The following UMODL1 variants were observed in gnomAD, a reference collection of about 807,000 sequenced individuals.
UMODL1 encodes uromodulin-like 1.
UMODL1 carries 128 observed loss-of-function variants against 136.3 expected under a neutral mutation model. The observed-to-expected ratio is 0.94, with a 90% confidence interval of 0.81 to 1.09. The LOEUF (loss-of-function observed/expected upper bound fraction) is 1.09. Ranked by LOEUF, UMODL1 falls within the 50% of genes least tolerant of loss-of-function variation. UMODL1 has a pLI of 0.00. For missense variants in UMODL1, 1,766 were observed against 1,725.6 expected (o/e 1.02, Z -0.41); for synonymous variants, 721 against 720.0 (o/e 1.00, Z -0.02).
At chr21:42,086,152 T>G (rs951231194) in intron 4 of UMODL1, among the ~76,000 whole-genome samples, 1 of 152,126 alleles carries the variant, frequency 6.6e-6, no homozygotes, top group Non-Finnish European at 1.5e-5. Context: ...CCGCCCTCCC[T>G]GGGGGATGGT....
At chr21:42,081,015 G>A (rs145106753) in intron 2 of UMODL1, among the ~76,000 whole-genome samples, 66 of 152,342 alleles carry the variant, frequency 4.3e-4, no homozygotes, top group African/African-American at 1.5e-3. Flanking sequence ...TGCACAAGTT[G>A]GATTATGCGC....
At chr21:42,102,108 TAACA>T (rs984857647) in intron 7 of UMODL1, 54 bp from the exon 8 acceptor site, 2 of 1,346,570 alleles carry the variant, frequency 1.5e-6, no homozygotes, top group African/African-American at 2.9e-5. Flanking sequence ...TGGAAAACAT[TAACA>T]GACAAGTGTG....
chr21:42,140,089 C>T (rs990571536), intron 22 of UMODL1, among the ~76,000 whole-genome samples: 12 of 152,274 alleles, frequency 7.9e-5, no homozygotes, highest in Admixed American at 2.0e-4. Flanking sequence ...GTGTCTACTA[C>T]ACTTTGCTGA....
At chr21:42,111,190 G>A in intron 11 of UMODL1, 69 bp downstream of exon 11, 1 of 1,538,804 alleles carries the variant, frequency 6.5e-7, no homozygotes. Flanking sequence ...CCAGCCAGGG[G>A]AGCCCCAGCC....
rs546694591 is a variant in UMODL1 at position 42,066,239 on chromosome 21, G to A, written c.-141+3025G>A. ...GCTTAATTCTCCTGATTGAAAAGAA[G>A]GGAAGAGATTTTTCTCTCCTTTTTC... On this transcript the variant is annotated intron_variant, in intron 1 of 22. Transcript: ENST00000400424. Among the ~76,000 whole-genome samples the A allele has an allele frequency of 1.1e-4, 16 of 152,262 alleles. No individual in the cohort carries two copies. The South Asian group carries it at 2.3e-3, about 22-fold the overall frequency.
chr21:42,106,589 C>G (rs952044819), intron 9 of UMODL1, among the ~76,000 whole-genome samples: 1 of 152,180 alleles, frequency 6.6e-6, no homozygotes, highest in African/African-American at 2.4e-5. Context: ...GCGCCAGTCA[C>G]GGTGGGCTGT....
chr21:42,084,357 T>A (rs909327405), intron 3 of UMODL1, 112 bp downstream of exon 3: 12 of 1,218,146 alleles, frequency 9.9e-6, no homozygotes, highest in East Asian at 8.0e-5. Flanking sequence ...GTGACCGATT[T>A]CATCAGGAGC....
chr21:42,110,740 G>T (rs930325358), intron 10 of UMODL1, 140 bp from the exon 11 acceptor site: 4 of 810,926 alleles, frequency 4.9e-6, no homozygotes, highest in Admixed American at 2.9e-5. Flanking sequence ...ACTCCTGAAC[G>T]CTGGCGCCCG....
At chr21:42,089,157 G>T (rs946108541) in intron 5 of UMODL1, among the ~76,000 whole-genome samples, 1 of 152,108 alleles carries the variant, frequency 6.6e-6, no homozygotes, top group Non-Finnish European at 1.5e-5. Context: ...CAGACAGTCC[G>T]CAAGCAAACC....
In UMODL1 at chr21:42,122,709, C is replaced by T. The variant is rs556364196; in HGVS notation, c.2828-122C>T. 204 of 940,930 alleles carry T rather than the reference C, an allele frequency of 2.2e-4. 2 individuals carry two copies. In the East Asian group the frequency reaches 5.0e-3, roughly 23 times the overall value. The allele number at this position is 940,930 out of a possible 1,614,324, so 58.3% of individuals were successfully genotyped here. A position where few individuals can be genotyped will look rare whatever the true frequency, so the allele number is the denominator to read the frequency against. The stretch of plus-strand genomic sequence containing the variant: ...CGTGTGTAGTTGTGGCTGGAACATG[C>T]GGTTCCCAGGTGTGGCTGCTGCAGA... On this transcript the variant is annotated intron_variant, in intron 16 of 22. Coordinates refer to ENST00000408910, the MANE Select transcript of UMODL1 (RefSeq NM_001004416.3). This position sits in a 1 kb window ranked among gnomAD's most constrained non-coding sequence, Gnocchi z 4.3.
At chr21:42,069,223 G>GAAACAC (rs2066207878), upstream of UMODL1, among the ~76,000 whole-genome samples, 1 of 42,020 alleles carries the variant, frequency 2.4e-5, no homozygotes, top group Non-Finnish European at 6.6e-5. Context: ...ACAAAACACA[G>GAAACAC]ACAGAAACAC....
At chr21:42,075,245 G>A (rs541943921) in intron 1 of UMODL1, among the ~76,000 whole-genome samples, 4 of 148,106 alleles carry the variant, frequency 2.7e-5, no homozygotes, top group Non-Finnish European at 4.5e-5. Flanking sequence ...TGGAGATGGG[G>A]GGGGGGTTTC....
chr21:42,069,252 AC>A (rs1342899994), upstream of UMODL1, among the ~76,000 whole-genome samples: 1 of 151,872 alleles, frequency 6.6e-6, no homozygotes, highest in Admixed American at 6.6e-5. Flanking sequence ...ACACACACAC[AC>A]ACACACACAC....
chr21:42,091,331 T>C (rs756628757), intron 6 of UMODL1, among the ~76,000 whole-genome samples: 1 of 152,170 alleles, frequency 6.6e-6, no homozygotes, highest in Non-Finnish European at 1.5e-5. Flanking sequence ...GGGATCAGCC[T>C]GGAGAGCAGA....
chr21:42,111,640 C>T lies in UMODL1; in HGVS notation c.2034C>T (p.Asp678=). The stretch of plus-strand genomic sequence containing the variant: ...ATCCCACGTGGCTGCGAAATGAGGA[C>T]AGTGGACCCTCCGGTTCTGTAGACC... The part of the protein sequence containing the change: ...LLNPTWLRNE[D]SGPSGSVDLP... The change falls in exon 12 of 23, where the codon GAC becomes GAT. Residue 678 remains aspartate (D), a synonymous_variant. Transcript: ENST00000408910. 2 of 1,614,114 alleles carry T rather than the reference C, an allele frequency of 1.2e-6. No homozygotes were observed. The highest frequency in any genetic ancestry group is 1.7e-6 in the Non-Finnish European group (2 of 1,180,004).
At chr21:42,107,667 C>T (rs568818863) in intron 9 of UMODL1, among the ~76,000 whole-genome samples, 209 of 152,006 alleles carry the variant, frequency 1.4e-3, no homozygotes, top group Non-Finnish European at 2.4e-3. Context: ...CAGGAGAGTC[C>T]GAGGGGCATC....
rs758341379 is a variant in UMODL1 at position 42,121,213 on chromosome 21, G to A, written c.2816G>A (p.Arg939Lys). The A allele has an allele frequency of 1.7e-5, 28 of 1,612,114 alleles. No homozygotes were observed. In the East Asian group the frequency reaches 6.0e-4, roughly 35 times the overall value. ...APDFPVEYSERPCEGDSPGNE... is the reference protein window; with the variant it reads ...APDFPVEYSEKPCEGDSPGNE... ...GACTTCCCTGTGGAATATTCTGAGA[G>A]ACCCTGTGAAGGTAATGTCGTCAGA... The change falls in exon 16 of 23, where the codon AGA (arginine) becomes AAA (lysine). Residue 939 changes from arginine to lysine, a missense_variant. By Grantham distance (26) the Arg-to-Lys change is conservative. Coordinates refer to ENST00000408910, the MANE Select transcript of UMODL1 (RefSeq NM_001004416.3).
chr21:42,111,577 G>A lies in UMODL1; in HGVS notation c.1971G>A (p.Leu657=), dbSNP rs1393507924. The change falls in exon 12 of 23, where the codon CTG becomes CTA. Residue 657 remains leucine, a synonymous_variant. Coordinates refer to ENST00000408910, the MANE Select transcript of UMODL1 (RefSeq NM_001004416.3). ...CTGAGGACCCCACCGGCCACTTCCT[G>A]TGGCATGCCACCCGTTCCACCCGGG... The part of the protein sequence containing the change: ...SPTEDPTGHF[L]WHATRSTRET... 2 of 1,614,034 alleles carry A rather than the reference G, an allele frequency of 1.2e-6. No individual in the cohort carries two copies. The highest frequency in any genetic ancestry group is 1.7e-6 in the Non-Finnish European group (2 of 1,180,010).
At chr21:42,066,478 G>A (rs993364679), upstream of UMODL1, among the ~76,000 whole-genome samples, 2 of 152,114 alleles carry the variant, frequency 1.3e-5, no homozygotes, top group African/African-American at 4.8e-5. Context: ...TAGAGGCAGG[G>A]TTTCACCATG....
Sources: gnomAD v4.1 joint callset for allele counts (sites outside exome capture counted in the v4.1 genomes callset) on GRCh38, gnomAD v4.1.1 for gene constraint, Gnocchi (gnomAD v3.1) non-coding constraint, MANE v1.5 for transcripts, NCBI Gene and HGNC (gene_info 2026-07-23, HGNC 2026-07-21) for gene names.